Variants in WWOX observed in about 807,000 individuals in gnomAD.
WWOX encodes WW domain containing oxidoreductase.
WWOX carries 69 observed loss-of-function variants against 46.2 expected under a neutral mutation model. The observed-to-expected ratio is 1.49, with a 90% CI of 1.23 to 1.82. WWOX has a LOEUF of 1.82. WWOX is among the 40% of genes most tolerant of loss of function. WWOX has a pLI of 0.00. For synonymous variants in WWOX, 359 were observed against 202.6 expected (o/e 1.77, Z -6.56); for missense variants, 919 against 542.6 (o/e 1.69, Z -6.89).
chr16:78,522,791 G>T (rs778972032), intron 8 of WWOX, among the ~76,000 whole-genome samples: 1 of 152,230 alleles, frequency 6.6e-6, no homozygotes, highest in South Asian at 2.1e-4. Context: ...CTAACAGTGG[G>T]CCAGGCGCAG....
chr16:79,063,347 G>A (rs12596258), intron 8 of WWOX, among the ~76,000 whole-genome samples: 1 of 152,000 alleles, frequency 6.6e-6, no homozygotes, highest in Non-Finnish European at 1.5e-5. Context: ...ATATTTCCTG[G>A]CGTGCGTATC....
At chr16:78,110,185 T>C (rs963623138) in intron 3 of WWOX, among the ~76,000 whole-genome samples, 2 of 151,492 alleles carry the variant, frequency 1.3e-5, no homozygotes, top group Admixed American at 6.6e-5. Context: ...ACTAAAAATA[T>C]AAAAATGAGC....
chr16:79,114,847 G>C (rs1309063993), intron 8 of WWOX, among the ~76,000 whole-genome samples: 2 of 152,202 alleles, frequency 1.3e-5, no homozygotes, highest in African/African-American at 4.8e-5. Flanking sequence ...GGGCTGGCCT[G>C]CTGCTGCCTT....
At chr16:78,200,764 C>T (rs1406431495) in intron 5 of WWOX, among the ~76,000 whole-genome samples, 5 of 151,902 alleles carry the variant, frequency 3.3e-5, no homozygotes, top group Non-Finnish European at 5.9e-5. Flanking sequence ...CCCGTCCACT[C>T]GGTTATATGT....
chr16:78,671,289 G>C (rs2047457668), intron 8 of WWOX, among the ~76,000 whole-genome samples: 1 of 152,186 alleles, frequency 6.6e-6, no homozygotes, highest in Non-Finnish European at 1.5e-5. Flanking sequence ...GCCGGGTGTG[G>C]TGGGGCATGC....
At chr16:79,147,655 G>A (rs943651400) in intron 8 of WWOX, among the ~76,000 whole-genome samples, 21 of 152,146 alleles carry the variant, frequency 1.4e-4, no homozygotes, top group Non-Finnish European at 2.9e-5. Context: ...TGATTAGTTT[G>A]TATAAGAAAC....
intron 6 of WWOX, among the ~76,000 whole-genome samples, chr16:78,405,196 C>T (rs1457674687): frequency 2.6e-5 from 4 of 152,188 alleles, no homozygotes; most frequent in Admixed American, 2.6e-4. Flanking sequence ...TTCTGGAATT[C>T]ACTATAAGAA....
At chr16:78,892,117 C>G (rs1378003110) in intron 8 of WWOX, 1 of 152,088 alleles carries the variant, frequency 6.6e-6, no homozygotes, top group Non-Finnish European at 1.5e-5. Flanking sequence ...TGTCACTTGC[C>G]AAACCATGTT....
rs1397824339 is a variant in WWOX, at chr16:78,566,492, C to T, written c.1056+133740C>T. On this transcript the variant is annotated intron_variant, in intron 8 of 8. Transcript: ENST00000566780. ...CTTCTCCTCCCTGATTGTCGCTGGC[C>T]TTGCTGTAAATTGTGAGGCATCCAT... Among the ~76,000 whole-genome samples the T allele has an allele frequency of 2.0e-5, 3 of 152,158 alleles. No homozygotes were observed. In the East Asian group the frequency reaches 5.8e-4, roughly 29 times the overall value.
At chr16:78,520,865 T>C (rs923376287) in intron 8 of WWOX, among the ~76,000 whole-genome samples, 5 of 152,276 alleles carry the variant, frequency 3.3e-5, no homozygotes, top group Non-Finnish European at 5.9e-5. Flanking sequence ...TTGTATCTTA[T>C]AGGCAAGAGA....
rs533448888 is a variant in WWOX at position 79,081,729 on chromosome 16, C to G, written c.1057-129879C>G. Among the ~76,000 whole-genome samples the G allele has an allele frequency of 2.2e-4, 34 of 152,216 alleles. No homozygotes were observed. In the South Asian group the frequency reaches 5.2e-3, roughly 23 times the overall value. ...CCAGTGACAGGAATTTAGACCATGC[C>G]AAGTGTGAACCATGGCTTGCGGGGG... On this transcript the variant is annotated intron_variant, in intron 8 of 8. Transcript: ENST00000566780.
At chr16:78,182,515 G>T (rs1479693279) in intron 5 of WWOX, among the ~76,000 whole-genome samples, 1 of 151,722 alleles carries the variant, frequency 6.6e-6, no homozygotes, top group Non-Finnish European at 1.5e-5. Context: ...TCTGTTCAAG[G>T]GTATCTTTCC....
At chr16:78,934,600 T>C (rs73583254) in intron 8 of WWOX, among the ~76,000 whole-genome samples, 50,072 of 150,020 alleles carry the variant, frequency 0.33, 8,299 homozygotes, top group Non-Finnish European at 0.35. Flanking sequence ...GTTTTTACCC[T>C]ACCCTCTTCC....
intron 8 of WWOX, among the ~76,000 whole-genome samples, chr16:78,557,264 C>T (rs1241103782): frequency 6.6e-6 from 1 of 152,134 alleles, no homozygotes; most frequent in African/African-American, 2.4e-5. Flanking sequence ...TTCTACCTAT[C>T]TATGATCACA....
chr16:78,347,977 C>G (rs2151904263), intron 5 of WWOX, among the ~76,000 whole-genome samples: 1 of 122,780 alleles, frequency 8.1e-6, no homozygotes, highest in East Asian at 1.9e-4. Context: ...GAGTAAGATT[C>G]TTTTAAAATC....
chr16:78,822,497 A>G (rs2051529094), intron 8 of WWOX, among the ~76,000 whole-genome samples: 1 of 152,164 alleles, frequency 6.6e-6, no homozygotes. Flanking sequence ...TCTGTCTCAA[A>G]GAAAAACAAA....
intron 8 of WWOX, among the ~76,000 whole-genome samples, chr16:78,650,602 T>C (rs893942169): frequency 9.9e-5 from 15 of 152,250 alleles, no homozygotes; most frequent in African/African-American, 3.6e-4. Context: ...TTTGAGATTA[T>C]GTAATTAGCA....
At chr16:78,574,995 T>C (rs2044814036) in intron 8 of WWOX, among the ~76,000 whole-genome samples, 1 of 68,888 alleles carries the variant, frequency 1.5e-5, no homozygotes, top group African/African-American at 4.7e-5. Context: ...TATTTATTTT[T>C]CAATTATATA....
intron 8 of WWOX, among the ~76,000 whole-genome samples, chr16:78,734,438 A>G (rs182502353): frequency 2.5e-3 from 382 of 152,280 alleles, no homozygotes; most frequent in Non-Finnish European, 3.5e-3. Flanking sequence ...GCATGAATCA[A>G]CCTATTTAAC....
Sources: allele counts gnomAD v4.1 joint callset (sites outside exome capture counted in the v4.1 genomes callset), GRCh38; gene constraint gnomAD v4.1.1; transcripts MANE v1.5; gene names NCBI Gene and HGNC (gene_info 2026-07-23, HGNC 2026-07-21).